Variants in ZNF451 observed in about 807,000 individuals in gnomAD.
The protein encoded by ZNF451 is E3 SUMO-protein ligase ZNF451.
A neutral mutation model predicts 107.1 loss-of-function variants in ZNF451; 80 were observed. The ratio of observed to expected loss-of-function variants is 0.75; its 90% confidence interval spans 0.62 to 0.90. ZNF451 has a LOEUF of 0.90. ZNF451 is among the 40% of genes least tolerant of loss of function. The probability of loss-of-function intolerance (pLI) is 0.00; values close to 1 mark genes in which losing one functional copy is unlikely to be tolerated. For missense variants in ZNF451, 1,107 were observed against 1,236.2 expected, an observed-to-expected ratio of 0.90 and a Z score of 1.57; for synonymous variants, 362 against 406.5, an observed-to-expected ratio of 0.89 and a Z score of 1.32.
At chr6:57,092,992 A>G (rs1436906709) in intron 2 of ZNF451, 1 of 152,230 alleles carries the variant, frequency 6.6e-6, no homozygotes, top group Non-Finnish European at 1.5e-5. Context: ...TCATACATCT[A>G]TGTAAACAGC....
At chr6:57,144,473 T>G (rs2127976672) in intron 9 of ZNF451, among the ~76,000 whole-genome samples, 1 of 152,048 alleles carries the variant, frequency 6.6e-6, no homozygotes, top group Admixed American at 6.5e-5. Context: ...ACTCCTGACC[T>G]CAAGTGATCT....
chr6:57,100,809 C>T, intron 3 of ZNF451: 2 of 1,548,500 alleles, frequency 1.3e-6, no homozygotes, highest in Admixed American at 2.0e-5. Context: ...ATACTAAGAT[C>T]TCTGAGACAG....
At chr6:57,095,915 CT>C (rs1200152901) in intron 2 of ZNF451, among the ~76,000 whole-genome samples, 2 of 151,978 alleles carry the variant, frequency 1.3e-5, no homozygotes, top group Non-Finnish European at 2.9e-5. Context: ...CTTCTGCCTC[CT>C]GGGCTAAAGC....
chr6:57,128,664 C>CA, intron 4 of ZNF451, 65 bp from the exon 5 acceptor site: 1 of 1,100,484 alleles, frequency 9.1e-7, no homozygotes, highest in Non-Finnish European at 1.3e-6. Flanking sequence ...ACTAATGTGT[C>CA]AAAATCCTTT....
chr6:57,118,683 A>C (rs531419458), intron 3 of ZNF451, among the ~76,000 whole-genome samples: 1 of 152,182 alleles, frequency 6.6e-6, no homozygotes, highest in Non-Finnish European at 1.5e-5. Context: ...GAGGCCTTGC[A>C]CTGTTAGCTG....
chr6:57,166,977 T>G (rs1763926431), intron 14 of ZNF451, among the ~76,000 whole-genome samples: 1 of 152,204 alleles, frequency 6.6e-6, no homozygotes, highest in Non-Finnish European at 1.5e-5. Flanking sequence ...GCTGGCAAGT[T>G]TAATCCCTAT....
At chr6:57,100,594 A>G in intron 3 of ZNF451, 1 of 1,484,074 alleles carries the variant, frequency 6.7e-7, no homozygotes, top group Non-Finnish European at 9.0e-7. Flanking sequence ...GTTCATGTGG[A>G]TAACCCAGAG....
Position 57,118,328 on chromosome 6 carries a change from C to T in ZNF451, c.187-6406C>T, listed in dbSNP as rs139711656. On this transcript the variant is annotated intron_variant, in intron 3 of 14. Coordinates refer to ENST00000370706, the MANE Select transcript of ZNF451 (RefSeq NM_001031623.3). ...GCATGACTTTTGTTAAAGTTTAAAA[C>T]CTAGAAAGTATTATCTCTGTTGAGA... 2.2e-3 allele frequency among the ~76,000 whole-genome samples: 339 copies of T among 151,996 alleles called. 7 individuals are homozygous for T. The highest frequency in any genetic ancestry group is 0.019 in the Admixed American group (297 of 15,268).
chr6:57,100,921 A>G (rs1829560411), intron 3 of ZNF451: 1 of 1,550,838 alleles, frequency 6.4e-7, no homozygotes, highest in Non-Finnish European at 8.7e-7. Context: ...GAATTTACGT[A>G]TAGATTCTTC....
intron 4 of ZNF451, chr6:57,126,526 T>G (rs1176465302): frequency 6.6e-6 from 1 of 152,202 alleles, no homozygotes; most frequent in East Asian, 1.9e-4. Context: ...CTTTCAACTA[T>G]TGTAGGCCTT....
chr6:57,119,259 G>A (rs1282530515), intron 3 of ZNF451, among the ~76,000 whole-genome samples: 1 of 151,830 alleles, frequency 6.6e-6, no homozygotes, highest in Non-Finnish European at 1.5e-5. Context: ...GGGCGTGGTG[G>A]TGCACGCCTG....
intron 3 of ZNF451, chr6:57,103,817 C>T: frequency 1.0e-6 from 1 of 985,344 alleles, no homozygotes; most frequent in Non-Finnish European, 1.2e-6. Flanking sequence ...TCTGGTGCCA[C>T]ACTTTTTAAT....
intron 5 of ZNF451, 25 bp downstream of exon 5, chr6:57,128,865 G>C: frequency 6.5e-7 from 1 of 1,542,998 alleles, no homozygotes; most frequent in Non-Finnish European, 8.9e-7. Context: ...TTACACTAAG[G>C]TTACCTAGCT....
chr6:57,115,733 A>G (rs1041359850), intron 3 of ZNF451, among the ~76,000 whole-genome samples: 2 of 152,188 alleles, frequency 1.3e-5, no homozygotes, highest in African/African-American at 4.8e-5. Flanking sequence ...AAGTATTGGC[A>G]AACAGAAGAC....
chr6:57,123,991 A>T (rs1830775695), intron 3 of ZNF451, among the ~76,000 whole-genome samples: 1 of 152,100 alleles, frequency 6.6e-6, no homozygotes, highest in Non-Finnish European at 1.5e-5. Context: ...TGTATCTTTT[A>T]TTTCTTTTTC....
At chr6:57,144,405 T>A (rs1831952619) in intron 9 of ZNF451, among the ~76,000 whole-genome samples, 1 of 151,850 alleles carries the variant, frequency 6.6e-6, no homozygotes, top group Middle Eastern at 3.4e-3. Flanking sequence ...CATACCTGGC[T>A]GAGTTTTGTA....
intron 3 of ZNF451, among the ~76,000 whole-genome samples, chr6:57,111,397 T>C (rs1830107438): frequency 6.6e-6 from 1 of 151,846 alleles, no homozygotes; most frequent in South Asian, 2.1e-4. Flanking sequence ...TTTTTGTTTC[T>C]TGAGACGGAG....
intron 3 of ZNF451, chr6:57,101,483 A>G (rs1396832980): frequency 6.4e-7 from 1 of 1,551,054 alleles, no homozygotes; most frequent in Non-Finnish European, 8.7e-7. Flanking sequence ...GAACACAGCA[A>G]AAGAGGAAAC....
At chr6:57,096,032 C>T (rs958137630) in intron 2 of ZNF451, among the ~76,000 whole-genome samples, 1 of 151,988 alleles carries the variant, frequency 6.6e-6, no homozygotes, top group Non-Finnish European at 1.5e-5. Flanking sequence ...CCATGTTGGC[C>T]CAGATGGTCT....
Sources: allele counts gnomAD v4.1 joint callset (sites outside exome capture counted in the v4.1 genomes callset), GRCh38; gene constraint gnomAD v4.1.1; transcripts MANE v1.5; gene names NCBI Gene and HGNC (gene_info 2026-07-23, HGNC 2026-07-21).